Variants in SLC22A5 observed in about 807,000 individuals in gnomAD.
SLC22A5 encodes the protein solute carrier family 22 member 5, also known as organic cation/carnitine transporter 2.
Under a neutral mutation model 56.7 loss-of-function variants are expected in SLC22A5, and 44 were observed. The ratio of observed to expected loss-of-function variants is 0.78; its 90% CI spans 0.61 to 1.00. The LOEUF (loss-of-function observed/expected upper bound fraction) is 1.00, where lower values mean the gene tolerates loss of function less well. Among genes scored for constraint, SLC22A5 ranks in the 50% least tolerant of loss-of-function variants. The pLI, the probability that SLC22A5 is intolerant of heterozygous loss-of-function variation, is 0.00. For synonymous variants in SLC22A5, 278 were observed against 292.1 expected, an observed-to-expected ratio of 0.95 and a Z score of 0.49; for missense variants, 675 against 723.0, an observed-to-expected ratio of 0.93 and a Z score of 0.76.
At chr5:132,392,405 T>C in intron 7 of SLC22A5, 28 bp from the exon 8 acceptor site, 7 of 1,604,866 alleles carry the variant, frequency 4.4e-6, no homozygotes, top group Non-Finnish European at 6.0e-6. Context: ...TGGTACCTAC[T>C]CCTACCCTCT....
At chr5:132,388,468 C>A (rs924801607) in intron 5 of SLC22A5, among the ~76,000 whole-genome samples, 1 of 152,104 alleles carries the variant, frequency 6.6e-6, no homozygotes, top group Non-Finnish European at 1.5e-5. Flanking sequence ...TGGAAGCACA[C>A]CAGTAACTAC....
intron 8 of SLC22A5, 142 bp downstream of exon 8, chr5:132,392,757 G>T: frequency 2.6e-6 from 2 of 756,684 alleles, no homozygotes; most frequent in Non-Finnish European, 4.6e-6. Context: ...TCTTTGGCCG[G>T]GAAGGGTTCT....
chr5:132,377,034 G>A (rs575222743), intron 1 of SLC22A5: 5 of 152,594 alleles, frequency 3.3e-5, no homozygotes, highest in African/African-American at 1.2e-4. Context: ...CCTGATTAGG[G>A]GTTGGATGCT....
chr5:132,386,961 T>C (rs1352173716), intron 4 of SLC22A5, 64 bp from the exon 5 acceptor site: 3 of 1,577,164 alleles, frequency 1.9e-6, no homozygotes, highest in Non-Finnish European at 1.7e-6. Flanking sequence ...GGCTGTGCTC[T>C]ACCTGGTCTG....
chr5:132,385,188 G>T, intron 3 of SLC22A5, 140 bp from the exon 4 acceptor site: 1 of 795,366 alleles, frequency 1.3e-6, no homozygotes, highest in Non-Finnish European at 2.2e-6. Flanking sequence ...GGTTCAGAAC[G>T]CCATCCGCTC....
intron 2 of SLC22A5, chr5:132,380,713 G>A (rs1034475408): frequency 2.6e-5 from 4 of 152,326 alleles, no homozygotes; most frequent in African/African-American, 9.6e-5. Context: ...GACAGAGAAT[G>A]CTGGAAAAGA....
At position 132,393,700 on chromosome 5, in the gene SLC22A5, A is replaced by C. The variant is rs1413377442; in HGVS notation, c.1475A>C (p.Tyr492Ser). 6.2e-7 allele frequency: 1 copy of C among 1,614,016 alleles called. No individual in the cohort carries two copies. The highest frequency in any genetic ancestry group is 1.7e-5 in the Admixed American group (1 of 59,998). ...YLGAYDRFLP[Y>S]ILMGSLTILT... ...GGTGCCTACGACCGCTTCCTGCCCT[A>C]CATTCTCATGGGAAGTCTGACCATC... The change falls in exon 9 of 10, where the codon TAC becomes TCC. Residue 492 changes from tyrosine to serine, a missense_variant. Physicochemically the swap from Tyr to Ser is moderately radical, Grantham distance 144. Coordinates refer to ENST00000245407, the MANE Select transcript of SLC22A5 (RefSeq NM_003060.4).
intron 1 of SLC22A5, among the ~76,000 whole-genome samples, chr5:132,373,214 G>A (rs1752002269): frequency 6.6e-6 from 1 of 152,174 alleles, no homozygotes; most frequent in African/African-American, 2.4e-5. Context: ...ACTTGAGGGT[G>A]GCTGAAAAGG....
Position 132,378,107 on chromosome 5 carries a change from G to C in SLC22A5, c.394-271G>C. On this transcript the variant is annotated intron_variant, in intron 1 of 9. Coordinates refer to ENST00000245407, the MANE Select transcript of SLC22A5 (RefSeq NM_003060.4). The stretch of plus-strand genomic sequence containing the variant: ...CGTTAGAGGCCTTGCTTTCTCCAGG[G>C]TCAGCATGTGGACAGAACACTTACT... The C allele has an allele frequency of 1.9e-6, 3 of 1,550,490 alleles. No homozygotes were observed. The South Asian group carries it at 3.6e-5, about 18-fold the overall frequency.
chr5:132,377,037 T>G (rs1424381313), intron 1 of SLC22A5: 1 of 152,510 alleles, frequency 6.6e-6, no homozygotes, highest in Non-Finnish European at 1.5e-5. Context: ...GATTAGGGGT[T>G]GGATGCTCCA....
intron 5 of SLC22A5, among the ~76,000 whole-genome samples, chr5:132,387,653 C>T (rs1409486141): frequency 6.6e-6 from 1 of 152,112 alleles, no homozygotes; most frequent in Non-Finnish European, 1.5e-5. Context: ...CTCTTTCTGC[C>T]CTCCAATGGT....
intron 2 of SLC22A5, chr5:132,382,157 TG>T (rs1247029124): frequency 1.3e-5 from 2 of 151,856 alleles, no homozygotes; most frequent in Non-Finnish European, 2.9e-5. Context: ...CCCCAAGTGA[TG>T]GAAAAAAACA....
chr5:132,369,774 C>A lies in SLC22A5; in HGVS notation c.-199C>A. The A allele has an allele frequency of 1.6e-6, 1 of 626,270 alleles. No individual in the cohort carries two copies. Among genetic ancestry groups the A allele is most frequent in the Non-Finnish European group, 2.6e-6 (1 of 390,052 alleles). The allele number at this position is 626,270 out of a possible 1,614,324, so 38.8% of individuals were successfully genotyped here. A position where few individuals can be genotyped will look rare whatever the true frequency, so the allele number is the denominator to read the frequency against. ...CTTGCGGCCCAGGCCCGCAACCTTC[C>A]CTGGTCGTGCGCCCTATGTAAGGCC... On this transcript the variant is annotated 5_prime_UTR_variant, in exon 1 of 10. Transcript: ENST00000245407.
At chr5:132,378,344 A>G (rs1752220913) in intron 1 of SLC22A5, 34 bp from the exon 2 acceptor site, 1 of 1,612,106 alleles carries the variant, frequency 6.2e-7, no homozygotes, top group Admixed American at 1.7e-5. Flanking sequence ...TTTAAAAAGA[A>G]GTGAATGATA....
intron 8 of SLC22A5, 53 bp from the exon 9 acceptor site, chr5:132,393,623 A>G (rs77893586): frequency 6.2e-7 from 1 of 1,609,952 alleles, no homozygotes; most frequent in Non-Finnish European, 8.5e-7. Context: ...GGTAGATGAG[A>G]GACCAAGTCT....
chr5:132,385,352 T>A lies in SLC22A5; in HGVS notation c.677T>A (p.Val226Asp), dbSNP rs373199019. The change falls in exon 4 of 10, where the codon GTT becomes GAT. Residue 226 changes from valine (V) to aspartate (D), a missense_variant. Val to Asp is a radical substitution (Grantham distance 152, BLOSUM62 -3). Coordinates refer to ENST00000245407, the MANE Select transcript of SLC22A5 (RefSeq NM_003060.4). ...VLGTEILGKS[V>D]RIIFSTLGVC... is the part of the protein sequence containing the mutation. ...GGGACAGAAATTCTTGGCAAGTCAG[T>A]TCGTATAATATTCTCTACGTTAGGA... 1.4e-5 allele frequency: 23 copies of A among 1,614,044 alleles called. No individual in the cohort carries two copies. The highest frequency in any genetic ancestry group is 1.9e-5 in the Non-Finnish European group (23 of 1,180,020).
Position 132,394,288 on chromosome 5 carries a change from G to A in SLC22A5, c.*16G>A. 2 of 1,555,852 alleles carry A rather than the reference G, an allele frequency of 1.3e-6. No individual in the cohort carries two copies. Among genetic ancestry groups the A allele is most frequent in the Non-Finnish European group, 1.8e-6 (2 of 1,126,886 alleles). The stretch of plus-strand genomic sequence containing the variant: ...AGCCTTCTAACATCGCTTCCAGTAA[G>A]GGAGAAACTGAAGAGGAAAGACTGT... On this transcript the variant is annotated 3_prime_UTR_variant, in exon 10 of 10. Coordinates refer to ENST00000245407, the MANE Select transcript of SLC22A5 (RefSeq NM_003060.4).
rs987053572 is a variant in SLC22A5 at position 132,390,455 on chromosome 5, C to T, written c.1053-235C>T. 1.4e-5 allele frequency: 8 copies of T among 589,828 alleles called. No homozygotes were observed. The African/African-American group carries it at 1.5e-4, about 11-fold the overall frequency. The allele number at this position is 589,828 out of a possible 1,614,324, so 36.5% of individuals were successfully genotyped here. On this transcript the variant is annotated intron_variant, in intron 6 of 9. Transcript: ENST00000245407. Reference sequence around the variant, plus strand: ...ACAAGCTTTTTTGCTGGGACACTGTCTATATGGAAGGCTCTGAGAGCGCAC... The same window carrying T: ...ACAAGCTTTTTTGCTGGGACACTGTTTATATGGAAGGCTCTGAGAGCGCAC...
At chr5:132,377,926 C>T in intron 1 of SLC22A5, 1 of 596,982 alleles carries the variant, frequency 1.7e-6, no homozygotes, top group Non-Finnish European at 2.9e-6. Context: ...GTGCCCTGGC[C>T]TTAGTTTCTT....
Sources: allele counts gnomAD v4.1 joint callset (sites outside exome capture counted in the v4.1 genomes callset), GRCh38; gene constraint gnomAD v4.1.1; transcripts MANE v1.5; gene names NCBI Gene and HGNC (gene_info 2026-07-23, HGNC 2026-07-21).